Variants in SYNE1 observed in about 807,000 individuals in gnomAD.
The protein encoded by SYNE1 is nesprin-1.
Under a neutral mutation model 1,111.0 loss-of-function variants are expected in SYNE1, and 616 were observed. The ratio of observed to expected loss-of-function variants is 0.55; its 90% confidence interval spans 0.52 to 0.59. The LOEUF (loss-of-function observed/expected upper bound fraction) is 0.59, where lower values mean the gene tolerates loss of function less well. Among genes scored for constraint, SYNE1 ranks in the 20% least tolerant of loss-of-function variants. The pLI, the probability that SYNE1 is intolerant of heterozygous loss-of-function variation, is 0.00. For missense variants in SYNE1, 10,006 were observed against 10,417.0 expected, an observed-to-expected ratio of 0.96 and a Z score of 1.72; for synonymous variants, 3,855 against 3,825.8, an observed-to-expected ratio of 1.01 and a Z score of -0.28.
chr6:152,211,688 A>G, intron 123 of SYNE1, 100 bp from the exon 124 acceptor site: 1 of 972,052 alleles, frequency 1.0e-6, no homozygotes, highest in Non-Finnish European at 1.6e-6. Flanking sequence ...CAAGACTATG[A>G]AAGCTATCAC....
chr6:152,413,393 T>C lies in SYNE1; in HGVS notation c.6189A>G (p.Leu2063=), dbSNP rs1358352855. ...TTTTGGTATCATCCCAGGTGACCTC[T>C]AAGCGGTTTATCTCCCTGTCAACTT... is the stretch of plus-strand genomic sequence containing the variant. ...APEVDREINR[L]EVTWDDTKRL... is the part of the protein sequence containing the mutation. The change falls in exon 42 of 146, where the codon TTA becomes TTG. Residue 2063 remains leucine (L), a synonymous_variant. Transcript: ENST00000367255. The C allele has an allele frequency of 6.2e-7, 1 of 1,614,182 alleles. No individual in the cohort carries two copies. Among genetic ancestry groups the C allele is most frequent in the South Asian group, 1.1e-5 (1 of 91,088 alleles).
In SYNE1 at chr6:152,137,039, G is replaced by A. The variant is rs35608849; in HGVS notation, c.25459-221C>T. On this transcript the variant is annotated intron_variant, in intron 140 of 145. Coordinates refer to ENST00000367255, the MANE Select transcript of SYNE1 (RefSeq NM_182961.4). Reference sequence around the variant, plus strand: ...ACATGGATGAATCTTAAGAAAACAGGGTGTAGAGTGAAAACGTCAGAAACA... The same window carrying A: ...ACATGGATGAATCTTAAGAAAACAGAGTGTAGAGTGAAAACGTCAGAAACA... Among the ~76,000 whole-genome samples, 14,167 of 151,834 alleles carry A rather than the reference G, an allele frequency of 0.093. 877 individuals carry two copies. Among genetic ancestry groups the A allele is most frequent in the Non-Finnish European group, 0.14 (9,234 of 67,926 alleles).
intron 92 of SYNE1, among the ~76,000 whole-genome samples, chr6:152,301,204 A>T (rs2095149940): frequency 6.6e-6 from 1 of 152,176 alleles, no homozygotes; most frequent in Non-Finnish European, 1.5e-5. Flanking sequence ...GTTATTGCCA[A>T]ATGGGCTCAG....
At chr6:152,413,623 C>G (rs1223640782) in intron 41 of SYNE1, 92 bp from the exon 42 acceptor site, 2 of 1,247,662 alleles carry the variant, frequency 1.6e-6, no homozygotes, top group South Asian at 2.6e-5. Context: ...CCATAAAGCA[C>G]TCATTTAGAC....
intron 16 of SYNE1, among the ~76,000 whole-genome samples, chr6:152,471,318 T>C (rs1040998304): frequency 2.6e-5 from 4 of 152,190 alleles, no homozygotes; most frequent in Non-Finnish European, 4.4e-5. Flanking sequence ...AAAAACTTTT[T>C]TTAAAAATCA....
rs185893492 is a variant in SYNE1 at position 152,462,569 on chromosome 6, T to C, written c.2250+169A>G. 121 of 705,762 alleles carry C rather than the reference T, an allele frequency of 1.7e-4. No individual in the cohort carries two copies. In the African/African-American group the frequency reaches 1.9e-3, roughly 11 times the overall value. The allele number at this position is 705,762 out of a possible 1,614,324, so 43.7% of individuals were successfully genotyped here. ...ACTTTATATGATCAAGTCATGTCTTTTTTATGTTCAATACATTTTTTTCTG... is the reference window on the plus strand; with the variant it reads ...ACTTTATATGATCAAGTCATGTCTTCTTTATGTTCAATACATTTTTTTCTG... On this transcript the variant is annotated intron_variant, in intron 20 of 145. Transcript: ENST00000367255.
chr6:152,368,799 A>G (rs951881065), intron 61 of SYNE1, 173 bp downstream of exon 61: 5 of 791,802 alleles, frequency 6.3e-6, no homozygotes, highest in South Asian at 5.9e-5. Flanking sequence ...TGCAACAACA[A>G]TGATGAACTC....
Position 152,465,457 on chromosome 6 carries a change from T to C in SYNE1, c.1733A>G (p.Glu578Gly), listed in dbSNP as rs769259817. 6.2e-7 allele frequency: 1 copy of C among 1,612,934 alleles called. No individual in the cohort carries two copies. Among genetic ancestry groups the C allele is most frequent in the Non-Finnish European group, 8.5e-7 (1 of 1,179,508 alleles). The change falls in exon 18 of 146, where the codon GAA becomes GGA. Residue 578 changes from glutamate to glycine, a missense_variant. Glu to Gly is a moderately conservative substitution (Grantham distance 98, BLOSUM62 -2). Around this residue, in one of 7 missense-constraint regions of SYNE1, gnomAD observed 1,971 missense variants for 2,084.1 expected, o/e 0.95. Coordinates refer to ENST00000367255, the MANE Select transcript of SYNE1 (RefSeq NM_182961.4). Reference protein sequence around the residue: ...EMYVKADGSVEEAENVMKFMN... With the variant: ...EMYVKADGSVGEAENVMKFMN... ...GAATTTCATCACATTCTCAGCTTCT[T>C]CCACTGAAACAGATAAAACCAATTA... is the stretch of plus-strand genomic sequence containing the variant.
At chr6:152,453,541 C>A in intron 25 of SYNE1, 45 bp downstream of exon 25, 1 of 1,614,080 alleles carries the variant, frequency 6.2e-7, no homozygotes, top group Non-Finnish European at 8.5e-7. Flanking sequence ...TCAAGCTTCT[C>A]CCTTCATTGA....
chr6:152,300,496 T>C, intron 93 of SYNE1, 145 bp downstream of exon 93: 1 of 1,160,520 alleles, frequency 8.6e-7, no homozygotes, highest in Non-Finnish European at 1.3e-6. Context: ...AATCATAGTT[T>C]GTGCAACTAT....
chr6:152,246,688 TGA>T (rs1265956510), intron 105 of SYNE1, among the ~76,000 whole-genome samples: 1 of 152,076 alleles, frequency 6.6e-6, no homozygotes, highest in Admixed American at 6.5e-5. Flanking sequence ...AACAGAAAGA[TGA>T]GAGCTGCCAA....
intron 3 of SYNE1, among the ~76,000 whole-genome samples, chr6:152,606,239 C>G (rs2099614471): frequency 6.6e-6 from 1 of 151,994 alleles, no homozygotes; most frequent in Admixed American, 6.6e-5. Context: ...TGATGAAGGG[C>G]CAGGGTCCAA....
Position 152,326,423 on chromosome 6 carries a change from C to A in SYNE1, c.15166G>T (p.Val5056Leu), listed in dbSNP as rs773317109. The stretch of plus-strand genomic sequence containing the variant: ...TTGATGAGTGGGTCCAGGGTGGCTA[C>A]CAGGCTGTGGAGCTCCTCCAGGTTA... ...HSNLEELHSLVATLDPLIKPT... is the reference protein window; with the variant it reads ...HSNLEELHSLLATLDPLIKPT... Residue 5056 changes from valine (V) to leucine (L), a missense_variant, in exon 79 of 146, where the codon GTA becomes TTA. By Grantham distance (32) the Val-to-Leu change is conservative. Around this residue, in one of 7 missense-constraint regions of SYNE1, gnomAD observed 4,955 missense variants for 5,017.2 expected, o/e 0.99. Coordinates refer to ENST00000367255, the MANE Select transcript of SYNE1 (RefSeq NM_182961.4). 1 of 1,614,148 alleles carries A rather than the reference C, an allele frequency of 6.2e-7. No individual in the cohort carries two copies. Among genetic ancestry groups the A allele is most frequent in the South Asian group, 1.1e-5 (1 of 91,074 alleles).
chr6:152,239,973 G>A lies in SYNE1; in HGVS notation c.19894-267C>T, dbSNP rs1007339593. ...CTCAGGAGGCTGAGGCACAAGAATC[G>A]CTTGAACCTGGGAGGCCGAGGTTGC... On this transcript the variant is annotated intron_variant, in intron 107 of 145. Transcript: ENST00000367255. Among the ~76,000 whole-genome samples the A allele has an allele frequency of 3.9e-5, 6 of 152,180 alleles. No individual in the cohort carries two copies. The South Asian group carries it at 1.2e-3, about 32-fold the overall frequency.
chr6:152,293,829 T>C, intron 94 of SYNE1, 80 bp from the exon 95 acceptor site: 1 of 1,611,234 alleles, frequency 6.2e-7, no homozygotes, highest in Non-Finnish European at 8.5e-7. Context: ...TTCAGTGCTT[T>C]ACCTCTGTGG....
intron 91 of SYNE1, among the ~76,000 whole-genome samples, chr6:152,303,370 T>G (rs368617212): frequency 1.4e-5 from 2 of 146,818 alleles, no homozygotes; most frequent in East Asian, 2.0e-4. Flanking sequence ...GCCACTGTAC[T>G]CCAGCCTGGG....
rs1317192744 is a variant in SYNE1 at position 152,604,037 on chromosome 6, GTATGTATGTTCATA to G, written c.67+24214_67+24227del. Reference sequence around the variant, plus strand: ...ATATCTATATCTAGAACATATATATGTATGTATGTTCATATATGTATGTTCATATATGTATATAT... The same window carrying G: ...ATATCTATATCTAGAACATATATATGTATGTATGTTCATATATGTATATAT... On this transcript the variant is annotated intron_variant, in intron 3 of 145. Coordinates refer to ENST00000367255, the MANE Select transcript of SYNE1 (RefSeq NM_182961.4). Among the ~76,000 whole-genome samples the G allele has an allele frequency of 4.7e-5, 7 of 149,642 alleles. No homozygotes were observed. In the South Asian group the frequency reaches 1.3e-3, roughly 27 times the overall value.
rs530446994 is a variant in SYNE1, at chr6:152,626,736, C to T, written c.67+1529G>A. Among the ~76,000 whole-genome samples, 23 of 152,286 alleles carry T rather than the reference C, an allele frequency of 1.5e-4. No individual in the cohort carries two copies. In the South Asian group the frequency reaches 3.9e-3, roughly 26 times the overall value. On this transcript the variant is annotated intron_variant, in intron 3 of 145. Transcript: ENST00000367255. Reference sequence around the variant, plus strand: ...ACAAACCAGTCCAGGCAGATAAACACGAGTGGGGGGTCACTTGAACACAGA... The same window carrying T: ...ACAAACCAGTCCAGGCAGATAAACATGAGTGGGGGGTCACTTGAACACAGA...
At chr6:152,162,433 A>C (rs537458378) in intron 131 of SYNE1, among the ~76,000 whole-genome samples, 206 of 152,276 alleles carry the variant, frequency 1.4e-3, no homozygotes, top group African/African-American at 4.7e-3. Flanking sequence ...TGGGGCTATA[A>C]ATACATATGA....
Sources: allele counts gnomAD v4.1 joint callset (sites outside exome capture counted in the v4.1 genomes callset), GRCh38; gene constraint gnomAD v4.1.1; regional missense constraint gnomAD v4.1.1; transcripts MANE v1.5; gene names NCBI Gene and HGNC (gene_info 2026-07-23, HGNC 2026-07-21).